The following LRCH1 variants were observed in gnomAD, a reference collection of about 807,000 sequenced individuals.
The protein encoded by LRCH1 is leucine rich repeats and calponin homology domain containing 1.
Under a neutral mutation model 94.9 loss-of-function variants are expected in LRCH1, and 23 were observed. That is an observed-to-expected ratio of 0.24 (90% CI 0.17 to 0.34). The LOEUF (loss-of-function observed/expected upper bound fraction) is 0.34. LRCH1 is among the 10% of genes least tolerant of loss of function. The pLI, the probability that LRCH1 is intolerant of heterozygous loss-of-function variation, is 1.00. For synonymous variants in LRCH1, 364 were observed against 354.9 expected (o/e 1.03, Z -0.29); for missense variants, 790 against 945.9 (o/e 0.84, Z 2.16).
At chr13:46,656,748 G>A (rs529913405) in intron 2 of LRCH1, among the ~76,000 whole-genome samples, 32 of 152,214 alleles carry the variant, frequency 2.1e-4, no homozygotes, top group Non-Finnish European at 4.0e-4. Flanking sequence ...GGTGGAACCC[G>A]TAGCCAATGG....
intron 1 of LRCH1, among the ~76,000 whole-genome samples, chr13:46,633,432 A>G (rs956875880): frequency 6.6e-6 from 1 of 152,238 alleles, no homozygotes; most frequent in Admixed American, 6.5e-5. Context: ...GTATCAGCAG[A>G]ATGCCATCAT....
At chr13:46,669,626 G>A (rs2051570720) in intron 3 of LRCH1, among the ~76,000 whole-genome samples, 1 of 152,142 alleles carries the variant, frequency 6.6e-6, no homozygotes, top group Admixed American at 6.5e-5. Context: ...AAATGTGACC[G>A]TGTCCCTAGG....
intron 4 of LRCH1, among the ~76,000 whole-genome samples, chr13:46,682,983 ACC>A: frequency 6.6e-6 from 1 of 152,186 alleles, no homozygotes; most frequent in South Asian, 2.1e-4. Flanking sequence ...GAGTCCTGGA[ACC>A]CTGAATGCTT....
intron 1 of LRCH1, among the ~76,000 whole-genome samples, chr13:46,638,184 C>T (rs2051115073): frequency 6.6e-6 from 1 of 152,144 alleles, no homozygotes; most frequent in South Asian, 2.1e-4. Flanking sequence ...AAGAAAATTA[C>T]TATGGATTTG....
At chr13:46,712,445 C>A in intron 14 of LRCH1, 80 bp from the exon 15 acceptor site, 1 of 1,139,120 alleles carries the variant, frequency 8.8e-7, no homozygotes, top group Non-Finnish European at 1.3e-6. Context: ...TGTTACAATC[C>A]TTGAACATAG....
intron 1 of LRCH1, among the ~76,000 whole-genome samples, chr13:46,608,629 C>A (rs1461070893): frequency 6.6e-6 from 1 of 152,162 alleles, no homozygotes; most frequent in Non-Finnish European, 1.5e-5. Flanking sequence ...TTCCTTCACC[C>A]TGTTTCCTCT....
chr13:46,642,829 G>T (rs761739513), intron 1 of LRCH1, among the ~76,000 whole-genome samples: 1 of 152,158 alleles, frequency 6.6e-6, no homozygotes, highest in Non-Finnish European at 1.5e-5. Context: ...CCATAGCCCA[G>T]TGGGAATCAA....
Position 46,692,615 on chromosome 13 carries a change from C to A in LRCH1, c.1094C>A (p.Ser365Ter). The change falls in exon 8 of 20, where the codon TCG (serine) becomes TAG (stop). Residue 365 changes from serine to a stop codon, truncating the protein, a stop_gained. Coordinates refer to ENST00000389797, the MANE Select transcript of LRCH1 (RefSeq NM_001164211.2). LOFTEE classifies it high-confidence loss of function. ...GAAGAACAGATCATCAAGGAGGACT[C>A]GTGCCATCGCCTTAGCCCCGTTAAA... ...MEEEQIIKED[S>*]CHRLSPVKGE... The A allele has an allele frequency of 6.2e-7, 1 of 1,613,908 alleles. No homozygotes were observed. The highest frequency in any genetic ancestry group is 8.5e-7 in the Non-Finnish European group (1 of 1,179,874).
At chr13:46,632,580 G>A (rs2051032178) in intron 1 of LRCH1, among the ~76,000 whole-genome samples, 1 of 152,294 alleles carries the variant, frequency 6.6e-6, no homozygotes. Context: ...AAAATGAAAA[G>A]ATAAAACCTA....
intron 1 of LRCH1, among the ~76,000 whole-genome samples, chr13:46,595,548 T>C (rs921377179): frequency 4.6e-5 from 7 of 152,352 alleles, no homozygotes; most frequent in Non-Finnish European, 7.4e-5. Context: ...TGTTCCCCCC[T>C]GAGCATATCC....
At chr13:46,657,640 T>C (rs2051392240) in intron 2 of LRCH1, among the ~76,000 whole-genome samples, 2 of 141,414 alleles carry the variant, frequency 1.4e-5, no homozygotes, top group Non-Finnish European at 3.0e-5. Flanking sequence ...ACCCTTCCAT[T>C]TCAGCCTCAC....
intron 1 of LRCH1, among the ~76,000 whole-genome samples, chr13:46,565,532 C>T (rs907392157): frequency 3.3e-5 from 5 of 151,988 alleles, no homozygotes; most frequent in Admixed American, 1.3e-4. Flanking sequence ...TCTGCTGGGG[C>T]CGGGTGCAAT....
intron 1 of LRCH1, among the ~76,000 whole-genome samples, chr13:46,621,449 G>A (rs1245721572): frequency 6.6e-6 from 1 of 152,176 alleles, no homozygotes; most frequent in African/African-American, 2.4e-5. Context: ...TTAGTCTGGG[G>A]CAGCAGAAAA....
chr13:46,680,116 A>G (rs947642169), intron 3 of LRCH1: 2 of 152,178 alleles, frequency 1.3e-5, no homozygotes, highest in Admixed American at 6.5e-5. Flanking sequence ...TAAGGCCTTG[A>G]TCTCACTGGA....
At chr13:46,581,874 C>G (rs779500308) in intron 1 of LRCH1, among the ~76,000 whole-genome samples, 2 of 152,126 alleles carry the variant, frequency 1.3e-5, no homozygotes. Context: ...ATAAAAGAGA[C>G]TTTTGGAAAT....
intron 1 of LRCH1, among the ~76,000 whole-genome samples, chr13:46,569,365 A>G (rs534983844): frequency 6.6e-5 from 10 of 152,202 alleles, no homozygotes; most frequent in African/African-American, 2.4e-4. Flanking sequence ...AGGCCTATAG[A>G]TGTTAAGAAC....
At chr13:46,553,843 G>T in intron 1 of LRCH1, 140 bp downstream of exon 1, 2 of 1,481,110 alleles carry the variant, frequency 1.4e-6, no homozygotes. Context: ...CCCGAAGAAG[G>T]GACTCGCGTG....
intron 1 of LRCH1, among the ~76,000 whole-genome samples, chr13:46,619,726 C>T (rs1465118820): frequency 6.6e-6 from 1 of 152,142 alleles, no homozygotes; most frequent in Non-Finnish European, 1.5e-5. Context: ...TTACTTTGAC[C>T]ACTACTGTTG....
intron 15 of LRCH1, among the ~76,000 whole-genome samples, chr13:46,712,817 G>A (rs558378084): frequency 4.6e-5 from 7 of 152,276 alleles, no homozygotes; most frequent in South Asian, 2.1e-4. Flanking sequence ...GTTTGAATCC[G>A]AGCAAAGAAA....
Sources: allele counts gnomAD v4.1 joint callset (sites outside exome capture counted in the v4.1 genomes callset), GRCh38; gene constraint gnomAD v4.1.1; transcripts MANE v1.5; gene names NCBI Gene and HGNC (gene_info 2026-07-23, HGNC 2026-07-21).